The following GLRA2 variants were observed in gnomAD, a reference collection of about 807,000 sequenced individuals.
GLRA2 encodes the protein glycine receptor subunit alpha-2.
A neutral mutation model predicts 31.6 loss-of-function variants in GLRA2; 11 were observed. The observed-to-expected ratio is 0.35, with a 90% CI of 0.22 to 0.58. The LOEUF (loss-of-function observed/expected upper bound fraction) is 0.58. GLRA2 is among the 20% of genes least tolerant of loss of function. The pLI, the probability that GLRA2 is intolerant of heterozygous loss-of-function variation, is 0.84. For synonymous variants in GLRA2, 132 were observed against 134.0 expected (o/e 0.99, Z 0.10); for missense variants, 212 against 351.8 (o/e 0.60, Z 3.18).
intron 7 of GLRA2, among the ~76,000 whole-genome samples, chrX:14,655,804 T>C (rs1176089094): frequency 1.8e-5 from 2 of 112,228 alleles, no homozygotes; most frequent in Non-Finnish European, 3.8e-5. Flanking sequence ...ACATTGTTGG[T>C]TTCCCATTTT....
upstream of GLRA2, among the ~76,000 whole-genome samples, chrX:14,528,258 A>C (rs1197619437): frequency 4.4e-5 from 5 of 112,575 alleles, no homozygotes; most frequent in African/African-American, 1.6e-4. Context: ...TAACATTAAA[A>C]GGTAAAAAGA....
intron 4 of GLRA2, among the ~76,000 whole-genome samples, chrX:14,594,849 C>T (rs1284258614): frequency 9.2e-6 from 1 of 108,955 alleles, no homozygotes; most frequent in African/African-American, 3.4e-5. Context: ...CCTTCCTACT[C>T]AGCCACTGGG....
At chrX:14,678,734 C>G (rs1390955129) in intron 7 of GLRA2, among the ~76,000 whole-genome samples, 1 of 111,732 alleles carries the variant, frequency 8.9e-6, no homozygotes, top group Admixed American at 9.5e-5. Context: ...TTTGGAAACA[C>G]AAAACCTTCA....
intron 4 of GLRA2, among the ~76,000 whole-genome samples, chrX:14,599,831 G>A (rs2090248057): frequency 9.0e-6 from 1 of 111,470 alleles, no homozygotes; most frequent in South Asian, 3.7e-4. Context: ...AATAAGTAGC[G>A]GGAAAAACCT....
At chrX:14,521,542 T>C in the GLRA2 span, among the ~76,000 whole-genome samples, 2 of 111,541 alleles carry the variant, frequency 1.8e-5, no homozygotes, top group East Asian at 5.7e-4. Context: ...TTTTTGGACA[T>C]GGACTGAGCC....
At chrX:14,509,267 CT>C in the GLRA2 span, among the ~76,000 whole-genome samples, 2 of 112,586 alleles carry the variant, frequency 1.8e-5, no homozygotes, top group Non-Finnish European at 3.8e-5. Flanking sequence ...TCTTTCTAGT[CT>C]TATCTTTATC....
At chrX:14,714,456 T>A (rs2091755767) in intron 8 of GLRA2, among the ~76,000 whole-genome samples, 1 of 111,681 alleles carries the variant, frequency 9.0e-6, no homozygotes, top group African/African-American at 3.3e-5. Context: ...GATCCACCAT[T>A]ATGAGAAGAA....
At chrX:14,493,721 A>ACG in the GLRA2 span, among the ~76,000 whole-genome samples, 1 of 98,844 alleles carries the variant, frequency 1.0e-5, no homozygotes, top group African/African-American at 4.0e-5. Flanking sequence ...GTATACATAT[A>ACG]TACGTGTATA....
At chrX:14,598,964 T>A (rs1319313528) in intron 4 of GLRA2, among the ~76,000 whole-genome samples, 1 of 112,274 alleles carries the variant, frequency 8.9e-6, no homozygotes, top group Non-Finnish European at 1.9e-5. Flanking sequence ...TTAAGTGAGG[T>A]ATAAACCCAA....
the GLRA2 span, among the ~76,000 whole-genome samples, chrX:14,460,394 G>A: frequency 7.2e-5 from 8 of 111,864 alleles, no homozygotes; most frequent in African/African-American, 1.6e-4. Flanking sequence ...CATAAAATGC[G>A]TTAGGGAGGA....
chrX:14,523,633 G>A, the GLRA2 span, among the ~76,000 whole-genome samples: 3 of 111,419 alleles, frequency 2.7e-5, no homozygotes, highest in African/African-American at 9.8e-5. Context: ...CCATTGTAGG[G>A]TTATTAGTTG....
chrX:14,674,026 G>A (rs2091119757), intron 7 of GLRA2, among the ~76,000 whole-genome samples: 2 of 112,325 alleles, frequency 1.8e-5, no homozygotes, highest in South Asian at 7.4e-4. Flanking sequence ...GGGTCAGTGA[G>A]GCAGAAAAGC....
At chrX:14,690,584 A>G in intron 7 of GLRA2, 126 bp from the exon 8 acceptor site, 1 of 472,549 alleles carries the variant, frequency 2.1e-6, no homozygotes, top group Non-Finnish European at 3.6e-6. Flanking sequence ...AAAATCATTG[A>G]CCAAGGAAAT....
chrX:14,717,750 A>C, intron 8 of GLRA2, among the ~76,000 whole-genome samples: 1 of 110,004 alleles, frequency 9.1e-6, no homozygotes, highest in Non-Finnish European at 1.9e-5. Context: ...TAAAAAAAAA[A>C]AAAAAAACCC....
At chrX:14,464,824 A>T in the GLRA2 span, among the ~76,000 whole-genome samples, 3 of 111,522 alleles carry the variant, frequency 2.7e-5, no homozygotes, top group Non-Finnish European at 5.7e-5. Flanking sequence ...CAAAGTGCTG[A>T]GATTACAGGC....
In GLRA2 at chrX:14,717,947, G is replaced by A. The variant is rs772263728; in HGVS notation, c.1081-12260G>A. 1.0e-3 allele frequency among the ~76,000 whole-genome samples: 113 copies of A among 111,235 alleles called. 1 individual carries two copies. Among genetic ancestry groups the A allele is most frequent in the African/African-American group, 3.5e-3 (107 of 30,679 alleles). The stretch of plus-strand genomic sequence containing the variant: ...AGGAGAGATAGGCTGATGAGTAAAT[G>A]TGATTCTCTGAAATGGTACCCCTGA... On this transcript the variant is annotated intron_variant, in intron 8 of 8. Coordinates refer to ENST00000218075, the MANE Select transcript of GLRA2 (RefSeq NM_002063.4).
At chrX:14,691,336 TGC>T (rs1569523074) in intron 8 of GLRA2, among the ~76,000 whole-genome samples, 6 of 104,384 alleles carry the variant, frequency 5.7e-5, no homozygotes, top group African/African-American at 2.1e-4. Flanking sequence ...CGCGCGTGCG[TGC>T]GTGTACATCA....
chrX:14,709,209 G>A (rs752854645), intron 8 of GLRA2, among the ~76,000 whole-genome samples: 3 of 110,841 alleles, frequency 2.7e-5, no homozygotes, highest in Admixed American at 9.6e-5. Context: ...ACTGCAGCCC[G>A]GACAACAGAG....
intron 2 of GLRA2, among the ~76,000 whole-genome samples, chrX:14,571,627 T>C (rs1002499479): frequency 8.9e-6 from 1 of 111,842 alleles, no homozygotes; most frequent in African/African-American, 3.2e-5. Context: ...ATGATAATTA[T>C]TGAAGAATGA....
Sources: allele counts gnomAD v4.1 joint callset (sites outside exome capture counted in the v4.1 genomes callset), GRCh38; gene constraint gnomAD v4.1.1; transcripts MANE v1.5; gene names NCBI Gene and HGNC (gene_info 2026-07-23, HGNC 2026-07-21).